Variants in ANXA6 observed in about 807,000 individuals in gnomAD.
ANXA6 encodes 67 kDa calelectrin.
A neutral mutation model predicts 95.4 loss-of-function variants in ANXA6; 71 were observed. That is an observed-to-expected ratio of 0.74 (90% CI 0.61 to 0.91). The LOEUF is 0.91. ANXA6 is among the 40% of genes least tolerant of loss of function. The probability of loss-of-function intolerance (pLI) is 0.00; values close to 1 mark genes in which losing one functional copy is unlikely to be tolerated. For missense variants in ANXA6, 830 were observed against 876.4 expected, an observed-to-expected ratio of 0.95 and a Z score of 0.67; for synonymous variants, 289 against 315.9, an observed-to-expected ratio of 0.91 and a Z score of 0.90.
intron 1 of ANXA6, among the ~76,000 whole-genome samples, chr5:151,149,308 T>C (rs1281485512): frequency 6.6e-6 from 1 of 151,446 alleles, no homozygotes; most frequent in Non-Finnish European, 1.5e-5. Context: ...AACAAAGATA[T>C]GATACGTAAA....
At chr5:151,131,325 C>A in intron 10 of ANXA6, 36 bp from the exon 11 acceptor site, 1 of 1,609,036 alleles carries the variant, frequency 6.2e-7, no homozygotes, top group Non-Finnish European at 8.5e-7. Context: ...GTTATTCTGG[C>A]TGCCTCAGAA....
chr5:151,123,049 G>T, intron 15 of ANXA6, 38 bp from the exon 16 acceptor site: 1 of 1,570,060 alleles, frequency 6.4e-7, no homozygotes, highest in Non-Finnish European at 8.7e-7. Context: ...AAGAAGGCCT[G>T]TGGCTCTCGG....
chr5:151,129,573 C>T, intron 11 of ANXA6, 44 bp from the exon 12 acceptor site: 1 of 1,558,674 alleles, frequency 6.4e-7, no homozygotes, highest in African/African-American at 1.4e-5. Flanking sequence ...TGAGAGGAGG[C>T]TAGAGTGCTG....
chr5:151,145,467 T>C (rs1162273693), intron 2 of ANXA6, among the ~76,000 whole-genome samples: 1 of 152,196 alleles, frequency 6.6e-6, no homozygotes, highest in Non-Finnish European at 1.5e-5. Context: ...GGGTCTTCCA[T>C]GGCACCATCC....
chr5:151,108,358 C>T (rs1764756527), intron 23 of ANXA6, 97 bp downstream of exon 23: 2 of 1,124,086 alleles, frequency 1.8e-6, no homozygotes, highest in Non-Finnish European at 2.7e-6. Flanking sequence ...GTTTACTTTC[C>T]AGTAGTAGCT....
intron 14 of ANXA6, among the ~76,000 whole-genome samples, chr5:151,125,815 G>A (rs1360921436): frequency 6.6e-6 from 1 of 152,116 alleles, no homozygotes; most frequent in Non-Finnish European, 1.5e-5. Flanking sequence ...CACCGAGATT[G>A]CCATGTTAAC....
intron 11 of ANXA6, among the ~76,000 whole-genome samples, chr5:151,130,518 G>A (rs1266305479): frequency 2.6e-5 from 4 of 152,248 alleles, no homozygotes; most frequent in African/African-American, 9.6e-5. Context: ...GCCTCCCAGA[G>A]TGCTGGGATC....
rs1228702623 is a variant in ANXA6 at position 151,132,585 on chromosome 5, A to G, written c.641-14T>C. 1.2e-6 allele frequency: 2 copies of G among 1,607,946 alleles called. No homozygotes were observed. Among genetic ancestry groups the G allele is most frequent in the African/African-American group, 1.3e-5 (1 of 74,738 alleles). Reference sequence around the variant, plus strand: ...ACTCATCGAACACTGCGTCAGACAGAGAGACAGGGAGGTTTGAGAGTGCCT... The same window carrying G: ...ACTCATCGAACACTGCGTCAGACAGGGAGACAGGGAGGTTTGAGAGTGCCT... On this transcript the variant is annotated splice_polypyrimidine_tract_variant and intron_variant, in intron 9 of 25. Transcript: ENST00000354546.
In ANXA6 at chr5:151,101,167, G is replaced by A. The variant is rs1048697397; in HGVS notation, c.*281C>T. On this transcript the variant is annotated 3_prime_UTR_variant, in exon 26 of 26. Coordinates refer to ENST00000354546, the MANE Select transcript of ANXA6 (RefSeq NM_001155.5). The stretch of plus-strand genomic sequence containing the variant: ...CATAGCCCAAACCAGGGCAGAGGCT[G>A]TAGCAAGGGGAGGAAGCTGGGAAAG... 11 of 576,388 alleles carry A rather than the reference G, an allele frequency of 1.9e-5. No individual in the cohort carries two copies. Among genetic ancestry groups the A allele is most frequent in the African/African-American group, 1.5e-4 (8 of 53,906 alleles). 35.7% of individuals were successfully genotyped at this position (576,388 alleles called of 1,614,324 possible).
chr5:151,107,473 G>T (rs951339527), intron 23 of ANXA6, among the ~76,000 whole-genome samples: 3 of 152,102 alleles, frequency 2.0e-5, no homozygotes, highest in African/African-American at 7.2e-5. Context: ...GGTGGTAAAG[G>T]CCCATCACGT....
intron 10 of ANXA6, among the ~76,000 whole-genome samples, chr5:151,132,112 T>C (rs1765530294): frequency 6.6e-6 from 1 of 152,172 alleles, no homozygotes; most frequent in South Asian, 2.1e-4. Flanking sequence ...ATCATGGCAG[T>C]GGCCACTGCT....
intron 21 of ANXA6, 128 bp downstream of exon 21, chr5:151,110,499 C>T (rs535275352): frequency 9.3e-5 from 96 of 1,030,800 alleles, no homozygotes; most frequent in East Asian, 1.9e-4. Flanking sequence ...AAGCAGGGCC[C>T]GGAAGGGGAG....
chr5:151,128,301 G>T, intron 12 of ANXA6, 62 bp from the exon 13 acceptor site: 4 of 1,431,404 alleles, frequency 2.8e-6, no homozygotes, highest in Non-Finnish European at 3.8e-6. Flanking sequence ...AGACAAGGAG[G>T]TGAAGGTTCT....
At position 151,123,098 on chromosome 5, in the gene ANXA6, T is replaced by A. The variant is rs560837371; in HGVS notation, c.1139-87A>T. The A allele has an allele frequency of 9.6e-4, 1,140 of 1,181,584 alleles. 16 individuals carry two copies. The South Asian group carries it at 0.013, about 13-fold the overall frequency. The allele number at this position is 1,181,584 out of a possible 1,614,324, so 73.2% of individuals were successfully genotyped here. ...CCGCCCACTGATGGCCCCTCATCGATCTTTGTCAGGGTAGAAGCCTGGCTA... is the reference window on the plus strand; with the variant it reads ...CCGCCCACTGATGGCCCCTCATCGAACTTTGTCAGGGTAGAAGCCTGGCTA... On this transcript the variant is annotated intron_variant, in intron 15 of 25. Transcript: ENST00000354546.
intron 22 of ANXA6, among the ~76,000 whole-genome samples, chr5:151,109,415 G>A (rs971160786): frequency 1.3e-5 from 2 of 152,122 alleles, no homozygotes; most frequent in East Asian, 1.9e-4. Context: ...GGCAGGCATC[G>A]CCAGTGAATC....
intron 17 of ANXA6, among the ~76,000 whole-genome samples, chr5:151,119,784 C>T (rs1024824691): frequency 1.1e-4 from 17 of 152,176 alleles, no homozygotes; most frequent in Non-Finnish European, 1.9e-4. Context: ...CAGATGATTG[C>T]TATTTTCTTC....
intron 1 of ANXA6, among the ~76,000 whole-genome samples, chr5:151,154,355 C>G (rs1766182636): frequency 6.8e-6 from 1 of 146,482 alleles, no homozygotes; most frequent in East Asian, 2.0e-4. Flanking sequence ...CAACCCATAA[C>G]CAAAGAAAAA....
rs774523018 is a variant in ANXA6, at chr5:151,122,233, T to G, written c.1261A>C (p.Ile421Leu). Residue 421 changes from isoleucine (I) to leucine (L), a missense_variant, in exon 17 of 26, where the codon ATC becomes CTC. Coordinates refer to ENST00000354546, the MANE Select transcript of ANXA6 (RefSeq NM_001155.5). ...ATCAGCCTTGCCAGGTCTCCAGAGA[T>G]CTCAGACTTCAGGTCAGTCATTAAG... is the stretch of plus-strand genomic sequence containing the variant. ...RDLMTDLKSE[I>L]SGDLARLILG... is the part of the protein sequence containing the mutation. The G allele has an allele frequency of 1.4e-5, 23 of 1,604,606 alleles. No individual in the cohort carries two copies. The highest frequency in any genetic ancestry group is 2.0e-5 in the Non-Finnish European group (23 of 1,176,294).
Position 151,133,178 on chromosome 5 carries a change from C to A in ANXA6, c.556G>T (p.Glu186Ter). 2 of 1,584,770 alleles carry A rather than the reference C, an allele frequency of 1.3e-6. No individual in the cohort carries two copies. Among genetic ancestry groups the A allele is most frequent in the Non-Finnish European group, 1.7e-6 (2 of 1,164,336 alleles). The change falls in exon 9 of 26, where the codon GAG (glutamate) becomes TAG (stop). Residue 186 changes from glutamate to a stop codon, truncating the protein, a stop_gained. Coordinates refer to ENST00000354546, the MANE Select transcript of ANXA6 (RefSeq NM_001155.5). LOFTEE classifies it high-confidence loss of function. ...GTTCCCCATTTCAGTTCCCCTGCCTCGTATAGGTCCTGAAGGGGAAGAGGT... is the reference window on the plus strand; with the variant it reads ...GTTCCCCATTTCAGTTCCCCTGCCTAGTATAGGTCCTGAAGGGGAAGAGGT... ...LVQQDVQDLYEAGELKWGTDE... is the reference protein window; with the variant it reads ...LVQQDVQDLY
Sources: allele counts gnomAD v4.1 joint callset (sites outside exome capture counted in the v4.1 genomes callset), GRCh38; gene constraint gnomAD v4.1.1; transcripts MANE v1.5; gene names NCBI Gene and HGNC (gene_info 2026-07-23, HGNC 2026-07-21).